PHETA2: variants seen among roughly 807,000 people sequenced by gnomAD.
The protein encoded by PHETA2 is sesquipedalian-2.
For missense variants in PHETA2, 321 were observed against 341.3 expected, an observed-to-expected ratio of 0.94 and a Z score of 0.47; for synonymous variants, 133 against 142.9, an observed-to-expected ratio of 0.93 and a Z score of 0.50.
chr22:42,077,508 G>A lies in PHETA2; in HGVS notation c.215G>A (p.Cys72Tyr). 6.2e-7 allele frequency: 1 copy of A among 1,614,164 alleles called. No individual in the cohort carries two copies. Among genetic ancestry groups the A allele is most frequent in the Non-Finnish European group, 8.5e-7 (1 of 1,180,036 alleles). Residue 72 changes from cysteine to tyrosine, a missense_variant, in exon 3 of 3, where the codon TGC becomes TAC. Coordinates refer to ENST00000321753, the MANE Select transcript of PHETA2 (RefSeq NM_001002034.3). ...CTGAGCCTGGTGGTGCTGGAAGGCTGCACAGTGGAACTGGCCGAGGCTCCC... is the reference window on the plus strand; with the variant it reads ...CTGAGCCTGGTGGTGCTGGAAGGCTACACAGTGGAACTGGCCGAGGCTCCC... ...APLSLVVLEGCTVELAEAPVP... is the reference protein window; with the variant it reads ...APLSLVVLEGYTVELAEAPVP...
rs907453521 is a variant in PHETA2 at position 42,077,567 on chromosome 22, G to T, written c.274G>T (p.Asp92Tyr). ...GGAGTTTGCCTTTGCCATCTGCTTT[G>T]ATGCCCCTGGAGTGCGCCCACACCT... ...PEEFAFAICF[D>Y]APGVRPHLLA... The change falls in exon 3 of 3, where the codon GAT (aspartate) becomes TAT (tyrosine). Residue 92 changes from aspartate (D) to tyrosine (Y), a missense_variant. Asp to Tyr is a radical substitution (Grantham distance 160, BLOSUM62 -3). Transcript: ENST00000321753. 42 of 1,614,032 alleles carry T rather than the reference G, an allele frequency of 2.6e-5. No individual in the cohort carries two copies. Among genetic ancestry groups the T allele is most frequent in the African/African-American group, 1.5e-4 (11 of 74,936 alleles).
chr22:42,076,298 T>C (rs1927278516), intron 2 of PHETA2: 1 of 152,496 alleles, frequency 6.6e-6, no homozygotes, highest in Non-Finnish European at 1.5e-5. Context: ...ATCAATGTTA[T>C]TTCTTTTTTT....
At position 42,077,850 on chromosome 22, in the gene PHETA2, A is replaced by C. The variant is rs778166307; in HGVS notation, c.557A>C (p.Glu186Ala). 2.5e-6 allele frequency: 4 copies of C among 1,613,434 alleles called. No individual in the cohort carries two copies. Among genetic ancestry groups the C allele is most frequent in the African/African-American group, 1.3e-5 (1 of 75,060 alleles). The change falls in exon 3 of 3, where the codon GAA becomes GCA. Residue 186 changes from glutamate (E) to alanine (A), a missense_variant. Coordinates refer to ENST00000321753, the MANE Select transcript of PHETA2 (RefSeq NM_001002034.3). ...GACAGCAGCCCTGTGGGCTTGGTTG[A>C]AGAAGCGGGCAGCAGGTCTGCAGGG... ...SKDSSPVGLV[E>A]EAGSRSAGWG...
intron 2 of PHETA2, among the ~76,000 whole-genome samples, chr22:42,077,014 C>A (rs962667293): frequency 6.6e-6 from 1 of 152,136 alleles, no homozygotes; most frequent in South Asian, 2.1e-4. Context: ...CCTGCCATGC[C>A]TCCTGTCTGA....
rs780679584 is a variant in PHETA2, at chr22:42,077,612, G to A, written c.319G>A (p.Ala107Thr). The A allele has an allele frequency of 6.2e-6, 10 of 1,613,976 alleles. No homozygotes were observed. Among genetic ancestry groups the A allele is most frequent in the Non-Finnish European group, 8.5e-6 (10 of 1,180,000 alleles). Residue 107 changes from alanine to threonine, a missense_variant, in exon 3 of 3, where the codon GCG becomes ACG. Transcript: ENST00000321753. ...RPHLLAAEGP[A>T]AQEAWVKVLS... The stretch of plus-strand genomic sequence containing the variant: ...ACACCTGCTGGCCGCAGAAGGGCCG[G>A]CGGCCCAGGAGGCCTGGGTGAAGGT...
intron 2 of PHETA2, 94 bp from the exon 3 acceptor site, chr22:42,077,186 G>A (rs1927312147): frequency 8.4e-7 from 1 of 1,190,792 alleles, no homozygotes; most frequent in East Asian, 2.5e-5. Flanking sequence ...TCCCAGGGCT[G>A]GGGTCCAGGT....
chr22:42,077,118 A>G (rs912420051), intron 2 of PHETA2, among the ~76,000 whole-genome samples, 162 bp from the exon 3 acceptor site: 1 of 152,082 alleles, frequency 6.6e-6, no homozygotes, highest in Non-Finnish European at 1.5e-5. Context: ...GGAAGGAAAG[A>G]CGAGCCCACT....
In PHETA2 at chr22:42,077,762, T is replaced by C; in HGVS notation, c.469T>C (p.Cys157Arg). 1.7e-5 allele frequency: 28 copies of C among 1,613,306 alleles called. No individual in the cohort carries two copies. Among genetic ancestry groups the C allele is most frequent in the Non-Finnish European group, 2.1e-5 (25 of 1,180,038 alleles). Residue 157 changes from cysteine (C) to arginine (R), a missense_variant, in exon 3 of 3, where the codon TGT (cysteine) becomes CGT (arginine). Transcript: ENST00000321753. ...RSSWKSVASR[C>R]KPQAPNHRAA... is the part of the protein sequence containing the mutation. The stretch of plus-strand genomic sequence containing the variant: ...ATCCTGGAAGTCTGTTGCCAGCCGC[T>C]GTAAGCCCCAGGCTCCTAACCACCG...
rs1927417034 is a variant in PHETA2 at position 42,078,216 on chromosome 22, C to G, written c.*143C>G. 2 of 948,052 alleles carry G rather than the reference C, an allele frequency of 2.1e-6. No homozygotes were observed. Among genetic ancestry groups the G allele is most frequent in the African/African-American group, 3.3e-5 (2 of 59,776 alleles). The allele number at this position is 948,052 out of a possible 1,614,324, so 58.7% of individuals were successfully genotyped here. A position where few individuals can be genotyped will look rare whatever the true frequency, so the allele number is the denominator to read the frequency against. ...GGCATTCTCCAGGTTCGAGATCCACCCGTGTGTCTGGAAGGGACTGCGGGA... is the reference window on the plus strand; with the variant it reads ...GGCATTCTCCAGGTTCGAGATCCACGCGTGTGTCTGGAAGGGACTGCGGGA... On this transcript the variant is annotated 3_prime_UTR_variant, in exon 3 of 3. Transcript: ENST00000321753.
At position 42,078,186 on chromosome 22, in the gene PHETA2, A is replaced by C; in HGVS notation, c.*113A>C. On this transcript the variant is annotated 3_prime_UTR_variant, in exon 3 of 3. Transcript: ENST00000321753. Reference sequence around the variant, plus strand: ...GGACATGGGTTCTCTCCTTCCTGCTATTTAGGCATTCTCCAGGTTCGAGAT... The same window carrying C: ...GGACATGGGTTCTCTCCTTCCTGCTCTTTAGGCATTCTCCAGGTTCGAGAT... The C allele has an allele frequency of 8.1e-7, 1 of 1,242,050 alleles. No individual in the cohort carries two copies. The highest frequency in any genetic ancestry group is 1.1e-6 in the Non-Finnish European group (1 of 917,622). The allele number at this position is 1,242,050 out of a possible 1,614,324, so 76.9% of individuals were successfully genotyped here.
Position 42,077,907 on chromosome 22 carries a change from C to T in PHETA2, c.614C>T (p.Pro205Leu). Residue 205 changes from proline to leucine, a missense_variant, in exon 3 of 3, where the codon CCT becomes CTT. Pro to Leu is a moderately conservative substitution (Grantham distance 98). Transcript: ENST00000321753. ...TTGGCTGAGTGGGAGCTGCAGGGCC[C>T]TGCCAGCCTCCTCCTAGGCAAGGGG... Reference protein sequence around the residue: ...WGLAEWELQGPASLLLGKGQS... With the variant: ...WGLAEWELQGLASLLLGKGQS... 6.2e-7 allele frequency: 1 copy of T among 1,613,458 alleles called. No homozygotes were observed. The highest frequency in any genetic ancestry group is 8.5e-7 in the Non-Finnish European group (1 of 1,179,760).
Position 42,076,704 on chromosome 22 carries a change from G to A in PHETA2, c.-14-576G>A, listed in dbSNP as rs552780173. On this transcript the variant is annotated intron_variant, in intron 2 of 2. Transcript: ENST00000321753. ...AAAGGCCCAACGCAGCACACCCCAC[G>A]GCAACTTAGAAGTTTGTTCTGGGCA... is the stretch of plus-strand genomic sequence containing the variant. Among the ~76,000 whole-genome samples the A allele has an allele frequency of 1.1e-4, 17 of 152,210 alleles. No individual in the cohort carries two copies. In the South Asian group the frequency reaches 2.7e-3, roughly 24 times the overall value.
chr22:42,074,750 C>T (rs1385735546), intron 1 of PHETA2, among the ~76,000 whole-genome samples: 2 of 152,118 alleles, frequency 1.3e-5, no homozygotes, highest in African/African-American at 2.4e-5. Context: ...AGTGAGGCCA[C>T]TCCTCTGGCA....
Position 42,077,440 on chromosome 22 carries a change from C to T in PHETA2, c.147C>T (p.Gly49=). 1 of 1,613,662 alleles carries T rather than the reference C, an allele frequency of 6.2e-7. No individual in the cohort carries two copies. The highest frequency in any genetic ancestry group is 2.2e-5 in the East Asian group (1 of 44,872). ...GAAGATGCTGGTTTGTCCTCAAGGG[C>T]AACCTGCTATTCTCCTTTGAGAGTC... ...TGRRCWFVLK[G]NLLFSFESRE... The change falls in exon 3 of 3, where the codon GGC becomes GGT. Residue 49 remains glycine (G), a synonymous_variant. Coordinates refer to ENST00000321753, the MANE Select transcript of PHETA2 (RefSeq NM_001002034.3).
At position 42,078,671 on chromosome 22, in the gene PHETA2, T is replaced by A. The variant is rs1013077826; in HGVS notation, c.*598T>A. ...GGTCTTCGGCCAGTGAAGAGAGATT[T>A]ATTCTGCTCAGAGTGCTGGGGTCCC... On this transcript the variant is annotated 3_prime_UTR_variant, in exon 3 of 3. Coordinates refer to ENST00000321753, the MANE Select transcript of PHETA2 (RefSeq NM_001002034.3). 7.5e-6 allele frequency: 1 copy of A among 133,930 alleles called. No homozygotes were observed. The highest frequency in any genetic ancestry group is 3.3e-5 in the African/African-American group (1 of 30,528). 8.3% of individuals were successfully genotyped at this position (133,930 alleles called of 1,614,324 possible). A position where few individuals can be genotyped will look rare whatever the true frequency, so the allele number is the denominator to read the frequency against.
At position 42,077,267 on chromosome 22, in the gene PHETA2, T is replaced by C. The variant is rs1484568973; in HGVS notation, c.-14-13T>C. On this transcript the variant is annotated splice_polypyrimidine_tract_variant and intron_variant, in intron 2 of 2. Transcript: ENST00000321753. ...TCCCTCTCTGATCTGCTGCCATCTC[T>C]CTTGCCTCACAGTTCCCGTGGGAGC... The C allele has an allele frequency of 5.3e-6, 8 of 1,514,966 alleles. No homozygotes were observed. The Admixed American group carries it at 6.7e-5, about 13-fold the overall frequency. 93.8% of individuals were successfully genotyped at this position (1,514,966 alleles called of 1,614,324 possible).
At chr22:42,074,812 C>A (rs1927221860) in intron 1 of PHETA2, among the ~76,000 whole-genome samples, 1 of 152,198 alleles carries the variant, frequency 6.6e-6, no homozygotes. Flanking sequence ...GGAATGGCGT[C>A]TCTCCCCATC....
rs1426239868 is a variant in PHETA2 at position 42,077,560 on chromosome 22, C to T, written c.267C>T (p.Ile89=). 2 of 1,614,078 alleles carry T rather than the reference C, an allele frequency of 1.2e-6. No homozygotes were observed. Among genetic ancestry groups the T allele is most frequent in the Non-Finnish European group, 1.7e-6 (2 of 1,180,040 alleles). Reference sequence around the variant, plus strand: ...TGCCCGAGGAGTTTGCCTTTGCCATCTGCTTTGATGCCCCTGGAGTGCGCC... The same window carrying T: ...TGCCCGAGGAGTTTGCCTTTGCCATTTGCTTTGATGCCCCTGGAGTGCGCC... ...APVPEEFAFA[I]CFDAPGVRPH... The change falls in exon 3 of 3, where the codon ATC becomes ATT. Residue 89 remains isoleucine (I), a synonymous_variant. Coordinates refer to ENST00000321753, the MANE Select transcript of PHETA2 (RefSeq NM_001002034.3).
chr22:42,078,198 T>G lies in PHETA2; in HGVS notation c.*125T>G. 1 of 1,157,574 alleles carries G rather than the reference T, an allele frequency of 8.6e-7. No individual in the cohort carries two copies. Among genetic ancestry groups the G allele is most frequent in the South Asian group, 1.7e-5 (1 of 58,370 alleles). The allele number at this position is 1,157,574 out of a possible 1,614,324, so 71.7% of individuals were successfully genotyped here. A position where few individuals can be genotyped will look rare whatever the true frequency, so the allele number is the denominator to read the frequency against. On this transcript the variant is annotated 3_prime_UTR_variant, in exon 3 of 3. Coordinates refer to ENST00000321753, the MANE Select transcript of PHETA2 (RefSeq NM_001002034.3). Reference sequence around the variant, plus strand: ...TCTCCTTCCTGCTATTTAGGCATTCTCCAGGTTCGAGATCCACCCGTGTGT... The same window carrying G: ...TCTCCTTCCTGCTATTTAGGCATTCGCCAGGTTCGAGATCCACCCGTGTGT...
Sources: allele counts gnomAD v4.1 joint callset (sites outside exome capture counted in the v4.1 genomes callset), GRCh38; gene constraint gnomAD v4.1.1; transcripts MANE v1.5; gene names NCBI Gene and HGNC (gene_info 2026-07-23, HGNC 2026-07-21).